PPP2R2B: variants seen among roughly 807,000 people sequenced by gnomAD.
PPP2R2B encodes serine/threonine-protein phosphatase 2A 55 kDa regulatory subunit B beta isoform.
In PPP2R2B, 5 loss-of-function variants were observed where a neutral mutation model predicts 46.0. The observed-to-expected ratio is 0.11, with a 90% confidence interval of 0.06 to 0.23. The LOEUF (loss-of-function observed/expected upper bound fraction) is 0.23. Ranked by LOEUF, PPP2R2B falls within the 10% of genes least tolerant of loss-of-function variation. PPP2R2B has a pLI of 1.00. For missense variants in PPP2R2B, 367 were observed against 575.0 expected, an observed-to-expected ratio of 0.64 and a Z score of 3.70; for synonymous variants, 215 against 206.7, an observed-to-expected ratio of 1.04 and a Z score of -0.34.
At chr5:147,044,381 C>T (rs559623222) in intron 1 of PPP2R2B, among the ~76,000 whole-genome samples, 3 of 152,206 alleles carry the variant, frequency 2.0e-5, no homozygotes, top group African/African-American at 4.8e-5. Flanking sequence ...GAAGGGCTGG[C>T]ATAGATGAAT....
intron 6 of PPP2R2B, among the ~76,000 whole-genome samples, chr5:146,647,047 C>T (rs1345875841): frequency 1.3e-5 from 2 of 152,120 alleles, no homozygotes; most frequent in African/African-American, 4.8e-5. Context: ...ACCGTAATGC[C>T]AAAGTCACAC....
chr5:146,598,527 T>C (rs748778680), intron 8 of PPP2R2B, among the ~76,000 whole-genome samples: 4 of 152,228 alleles, frequency 2.6e-5, no homozygotes, highest in Non-Finnish European at 5.9e-5. Flanking sequence ...CATTGAAGTG[T>C]CTACCTGCTG....
chr5:146,939,426 C>A (rs184823314), intron 1 of PPP2R2B, among the ~76,000 whole-genome samples: 1 of 152,166 alleles, frequency 6.6e-6, no homozygotes, highest in Non-Finnish European at 1.5e-5. Flanking sequence ...GAGCAGAAGT[C>A]AAGCTTAGGC....
intron 2 of PPP2R2B, among the ~76,000 whole-genome samples, chr5:146,832,975 T>G (rs138717828): frequency 9.9e-5 from 15 of 152,096 alleles, no homozygotes; most frequent in Non-Finnish European, 1.9e-4. Context: ...ACTGTGTGTA[T>G]ATTAATATCA....
chr5:146,965,302 T>C (rs1162822430), intron 1 of PPP2R2B, among the ~76,000 whole-genome samples: 1 of 152,178 alleles, frequency 6.6e-6, no homozygotes, highest in Admixed American at 6.5e-5. Context: ...ACATAATTTG[T>C]CCCTATCTGC....
chr5:146,607,125 G>A (rs912973771), intron 7 of PPP2R2B: 12 of 152,102 alleles, frequency 7.9e-5, no homozygotes, highest in African/African-American at 1.7e-4. Context: ...GAAAAGCCTC[G>A]CCGATTGAGA....
intron 1 of PPP2R2B, among the ~76,000 whole-genome samples, chr5:146,939,243 C>T (rs1260388417): frequency 2.0e-5 from 3 of 151,962 alleles, no homozygotes; most frequent in African/African-American, 7.3e-5. Flanking sequence ...TGGAATTTTC[C>T]CTTAAAAGTT....
chr5:147,035,723 C>T (rs1363433144), intron 1 of PPP2R2B, among the ~76,000 whole-genome samples: 1 of 151,976 alleles, frequency 6.6e-6, no homozygotes, highest in Non-Finnish European at 1.5e-5. Context: ...TAAGAAAAAT[C>T]TTAGGAAGAT....
intron 2 of PPP2R2B, among the ~76,000 whole-genome samples, chr5:146,802,791 CA>C (rs1473229304): frequency 6.6e-6 from 1 of 151,950 alleles, no homozygotes. Flanking sequence ...GACATGTTTA[CA>C]AAAAAGGAGA....
chr5:146,995,679 G>C (rs1753892242), intron 1 of PPP2R2B, among the ~76,000 whole-genome samples: 1 of 152,162 alleles, frequency 6.6e-6, no homozygotes, highest in Non-Finnish European at 1.5e-5. Flanking sequence ...ATTCTATGCA[G>C]CTTCCATTCT....
At chr5:146,851,547 G>A (rs574265709) in intron 2 of PPP2R2B, among the ~76,000 whole-genome samples, 17 of 152,036 alleles carry the variant, frequency 1.1e-4, no homozygotes, top group Admixed American at 3.9e-4. Flanking sequence ...TTATTGCTTC[G>A]TGGTACCAGG....
At chr5:146,835,835 G>T (rs957408915) in intron 2 of PPP2R2B, among the ~76,000 whole-genome samples, 1 of 152,110 alleles carries the variant, frequency 6.6e-6, no homozygotes, top group Non-Finnish European at 1.5e-5. Flanking sequence ...CTACTTTATT[G>T]TAAAGAAAAC....
At chr5:146,615,410 C>A (rs1374046907) in intron 7 of PPP2R2B, among the ~76,000 whole-genome samples, 23 of 107,196 alleles carry the variant, frequency 2.1e-4, no homozygotes, top group Non-Finnish European at 3.4e-4. Flanking sequence ...CTAGATGACA[C>A]GTTAGTGGGT....
intron 6 of PPP2R2B, among the ~76,000 whole-genome samples, chr5:146,646,590 C>T (rs937856275): frequency 2.0e-5 from 3 of 152,134 alleles, no homozygotes; most frequent in African/African-American, 7.2e-5. Context: ...TGGTGCTAAA[C>T]ACAAGGCCCT....
chr5:147,068,906 A>AT (rs1165336754), intron 2 of PPP2R2B, among the ~76,000 whole-genome samples: 1 of 152,212 alleles, frequency 6.6e-6, no homozygotes, highest in Non-Finnish European at 1.5e-5. Context: ...CTGTGCCATA[A>AT]TTTTGGGAAA....
At chr5:146,931,843 T>A (rs568467278) in intron 1 of PPP2R2B, among the ~76,000 whole-genome samples, 1 of 152,316 alleles carries the variant, frequency 6.6e-6, no homozygotes, top group East Asian at 1.9e-4. Flanking sequence ...TAACAATTAA[T>A]AAAGAAGTTA....
chr5:146,964,913 T>C (rs538876022), intron 1 of PPP2R2B, among the ~76,000 whole-genome samples: 1 of 152,246 alleles, frequency 6.6e-6, no homozygotes, highest in Admixed American at 6.5e-5. Context: ...TGGGTGACTG[T>C]GAACAAGTCA....
chr5:146,957,692 CCATAGTCAT>C (rs1751975340), intron 1 of PPP2R2B, among the ~76,000 whole-genome samples: 1 of 152,136 alleles, frequency 6.6e-6, no homozygotes, highest in African/African-American at 2.4e-5. Flanking sequence ...ACCAATCTCA[CCATAGTCAT>C]CATAGTTTTG....
In PPP2R2B at chr5:146,600,310, C is replaced by T. The variant is rs140308315; in HGVS notation, c.941G>A (p.Arg314His). ...CTATACCTGGTAAGTCTCGATGGGG[C>T]GGTTTTCCATGTTGAGATCCCAGAC... Reference protein sequence around the residue: ...VKVWDLNMENRPIETYQVHDY... With the variant: ...VKVWDLNMENHPIETYQVHDY... Residue 314 changes from arginine to histidine, a missense_variant, in exon 8 of 10, where the codon CGC becomes CAC. Physicochemically the swap from Arg to His is conservative, Grantham distance 29 (BLOSUM62 0). Around this residue, in one of 2 missense-constraint regions of PPP2R2B, gnomAD observed 361 missense variants for 545.5 expected, o/e 0.66. Transcript: ENST00000394411. The T allele has an allele frequency of 4.5e-5, 73 of 1,613,556 alleles. No individual in the cohort carries two copies. Among genetic ancestry groups the T allele is most frequent in the Non-Finnish European group, 4.6e-5 (54 of 1,179,802 alleles).
Sources: allele counts gnomAD v4.1 joint callset (sites outside exome capture counted in the v4.1 genomes callset), GRCh38; gene constraint gnomAD v4.1.1; regional missense constraint gnomAD v4.1.1; transcripts MANE v1.5; gene names NCBI Gene and HGNC (gene_info 2026-07-23, HGNC 2026-07-21).